RELN: variants seen among roughly 807,000 people sequenced by gnomAD.
The protein encoded by RELN is reelin.
RELN carries 108 observed loss-of-function variants against 427.6 expected under a neutral mutation model. That is an observed-to-expected ratio of 0.25 (90% CI 0.22 to 0.30). The LOEUF is 0.30. Ranked by LOEUF, RELN falls within the 10% of genes least tolerant of loss-of-function variation. The pLI is 1.00. For missense variants in RELN, 3,715 were observed against 4,302.8 expected (o/e 0.86, Z 3.82); for synonymous variants, 1,524 against 1,513.4 (o/e 1.01, Z -0.16).
intron 3 of RELN, among the ~76,000 whole-genome samples, chr7:103,819,572 C>T (rs959310744): frequency 1.3e-5 from 2 of 152,066 alleles, no homozygotes; most frequent in African/African-American, 4.8e-5. Context: ...TCCCTTTGAT[C>T]TTTGGAGAGG....
In RELN at chr7:103,490,662, A is replaced by G. The variant is rs376881823; in HGVS notation, c.9605+6T>C. ...TTCACAAAGTTTACCTTAATTTGCA[A>G]CCTACCTAGAGGAGACATGGTCAGG... On this transcript the variant is annotated splice_donor_region_variant and intron_variant, in intron 59 of 64. Coordinates refer to ENST00000428762, the MANE Select transcript of RELN (RefSeq NM_005045.4). 5 of 1,613,982 alleles carry G rather than the reference A, an allele frequency of 3.1e-6. No individual in the cohort carries two copies. The African/African-American group carries it at 4.0e-5, about 13-fold the overall frequency.
At chr7:103,704,157 G>C (rs1057257769) in intron 8 of RELN, among the ~76,000 whole-genome samples, 1 of 152,156 alleles carries the variant, frequency 6.6e-6, no homozygotes, top group African/African-American at 2.4e-5. Flanking sequence ...TGACAAATAA[G>C]TTGGTAAATG....
intron 11 of RELN, among the ~76,000 whole-genome samples, chr7:103,679,592 T>C (rs980541025): frequency 1.3e-5 from 2 of 152,150 alleles, no homozygotes; most frequent in African/African-American, 4.8e-5. Flanking sequence ...TAAAGAAATG[T>C]CCAAAGAGCA....
chr7:103,739,231 T>G (rs185361420), intron 6 of RELN, among the ~76,000 whole-genome samples: 1 of 152,228 alleles, frequency 6.6e-6, no homozygotes. Flanking sequence ...TATATTATAG[T>G]GCAATAATTT....
chr7:103,495,996 T>C (rs1414382511), intron 56 of RELN, 98 bp from the exon 57 acceptor site: 1 of 1,268,098 alleles, frequency 7.9e-7, no homozygotes, highest in Non-Finnish European at 1.1e-6. Context: ...CGATTTATTG[T>C]TGAATTCCTT....
At chr7:103,888,524 TC>T (rs1229248897) in intron 2 of RELN, among the ~76,000 whole-genome samples, 1 of 152,158 alleles carries the variant, frequency 6.6e-6, no homozygotes, top group Non-Finnish European at 1.5e-5. Flanking sequence ...CACCACCTAA[TC>T]CCATCTGATC....
chr7:103,729,938 T>C (rs1790311264), intron 6 of RELN, among the ~76,000 whole-genome samples: 1 of 152,032 alleles, frequency 6.6e-6, no homozygotes, highest in Non-Finnish European at 1.5e-5. Context: ...ATAGAGACTG[T>C]ATTATGCAAA....
intron 45 of RELN, among the ~76,000 whole-genome samples, chr7:103,536,555 T>G (rs1273758141): frequency 2.0e-5 from 3 of 152,226 alleles, no homozygotes; most frequent in Non-Finnish European, 4.4e-5. Context: ...GCAGCCAGTG[T>G]GAGACCACAC....
At chr7:103,485,739 C>T (rs1297480461) in intron 61 of RELN, among the ~76,000 whole-genome samples, 2 of 147,890 alleles carry the variant, frequency 1.4e-5, no homozygotes, top group Non-Finnish European at 3.0e-5. Flanking sequence ...TTTTAAAGGT[C>T]TTATCCATCC....
At chr7:103,822,633 G>GCCTAAATATTTTCATAATACTACCT (rs1584269182) in intron 3 of RELN, among the ~76,000 whole-genome samples, 40,515 of 75,972 alleles carry the variant, frequency 0.53, 19,496 homozygotes, top group South Asian at 0.63. Flanking sequence ...GAATTACTTT[G>GCCTAAATATTTTCATAATACTACCT]GCCGGGCGCG....
chr7:103,661,653 A>G lies in RELN; in HGVS notation c.1290-126T>C, dbSNP rs1398280787. The G allele has an allele frequency of 3.4e-6, 3 of 885,082 alleles. No homozygotes were observed. The African/African-American group carries it at 5.0e-5, about 15-fold the overall frequency. 54.8% of individuals were successfully genotyped at this position (885,082 alleles called of 1,614,324 possible). On this transcript the variant is annotated intron_variant, in intron 11 of 64. Transcript: ENST00000428762. Reference sequence around the variant, plus strand: ...TAATGAATAATTCTGAAATAAAGATATGGCACTTTATTTAGGCAATGATTA... The same window carrying G: ...TAATGAATAATTCTGAAATAAAGATGTGGCACTTTATTTAGGCAATGATTA...
intron 48 of RELN, among the ~76,000 whole-genome samples, chr7:103,520,652 C>T (rs2117088378): frequency 6.6e-6 from 1 of 152,264 alleles, no homozygotes; most frequent in Non-Finnish European, 1.5e-5. Context: ...AATCTAATTA[C>T]TGTAATGTTT....
At chr7:103,744,969 T>G (rs146865530) in intron 6 of RELN, among the ~76,000 whole-genome samples, 3,055 of 152,158 alleles carry the variant, frequency 0.02, 99 homozygotes, top group African/African-American at 0.07. Context: ...CCAAAAAAGA[T>G]AATTTTAGAC....
intron 1 of RELN, among the ~76,000 whole-genome samples, chr7:103,950,937 G>A (rs929077734): frequency 1.1e-4 from 16 of 152,138 alleles, no homozygotes; most frequent in African/African-American, 3.4e-4. Context: ...CATTGTTGTT[G>A]TTGTTGTTTG....
At chr7:103,761,590 C>G (rs1791299814) in intron 4 of RELN, among the ~76,000 whole-genome samples, 1 of 151,760 alleles carries the variant, frequency 6.6e-6, no homozygotes, top group South Asian at 2.1e-4. Context: ...GAAGCTGGGA[C>G]TACAGGCATA....
chr7:103,648,531 G>A (rs907855746), intron 16 of RELN, among the ~76,000 whole-genome samples: 1 of 152,082 alleles, frequency 6.6e-6, no homozygotes, highest in Admixed American at 6.6e-5. Context: ...CCTAGGCAAA[G>A]AATTAATGAC....
intron 4 of RELN, among the ~76,000 whole-genome samples, chr7:103,757,493 G>A (rs1365485360): frequency 6.6e-6 from 1 of 152,026 alleles, no homozygotes; most frequent in African/African-American, 2.4e-5. Context: ...ATTTAAAATT[G>A]CACGATTAAA....
At chr7:103,520,252 T>G (rs185553933) in intron 48 of RELN, among the ~76,000 whole-genome samples, 2 of 152,254 alleles carry the variant, frequency 1.3e-5, no homozygotes, top group East Asian at 3.9e-4. Context: ...AATCAACCAC[T>G]AAGAAAATAG....
chr7:103,937,011 C>T (rs1343791961), intron 1 of RELN, among the ~76,000 whole-genome samples: 2 of 152,136 alleles, frequency 1.3e-5, no homozygotes, highest in African/African-American at 2.4e-5. Context: ...AAAATTTTAG[C>T]TCTTTTTCAC....
Sources: gnomAD v4.1 joint callset for allele counts (sites outside exome capture counted in the v4.1 genomes callset) on GRCh38, gnomAD v4.1.1 for gene constraint, MANE v1.5 for transcripts, NCBI Gene and HGNC (gene_info 2026-07-23, HGNC 2026-07-21) for gene names.